Variants in TXK observed in about 807,000 individuals in gnomAD.
The protein encoded by TXK is TXK tyrosine kinase.
In TXK, 60 loss-of-function variants were observed where a neutral mutation model predicts 81.0. The observed-to-expected ratio is 0.74, with a 90% CI of 0.60 to 0.92. The LOEUF is 0.92. TXK is among the 40% of genes least tolerant of loss of function. TXK has a pLI of 0.00. For synonymous variants in TXK, 203 were observed against 210.7 expected (o/e 0.96, Z 0.32); for missense variants, 581 against 638.3 (o/e 0.91, Z 0.97).
chr4:48,109,294 TA>T (rs1436547519), intron 5 of TXK: 1 of 152,130 alleles, frequency 6.6e-6, no homozygotes, highest in Non-Finnish European at 1.5e-5. Context: ...CCCAAAGTGC[TA>T]CGGTTACAGG....
intron 14 of TXK, among the ~76,000 whole-genome samples, chr4:48,068,923 G>A (rs536654968): frequency 5.0e-4 from 76 of 152,332 alleles, no homozygotes; most frequent in African/African-American, 1.7e-3. Context: ...GCTCTGTGAG[G>A]AGCCTGTTTC....
chr4:48,082,861 T>C (rs1033822903), intron 10 of TXK, among the ~76,000 whole-genome samples: 1 of 152,134 alleles, frequency 6.6e-6, no homozygotes, highest in African/African-American at 2.4e-5. Flanking sequence ...GAATCGGCTG[T>C]TGGATGGCCA....
At position 48,071,643 on chromosome 4, in the gene TXK, T is replaced by C; in HGVS notation, c.1389A>G (p.Gly463=). Reference sequence around the variant, plus strand: ...TTGACTTATTTTCAAAAGGCATTTTTCCTTCTGTAAAAACTTCCCACATTA... The same window carrying C: ...TTGACTTATTTTCAAAAGGCATTTTCCCTTCTGTAAAAACTTCCCACATTA... ...GVLMWEVFTE[G]KMPFENKSNL... is the part of the protein sequence containing the mutation. The change falls in exon 14 of 15, where the codon GGA becomes GGG. Residue 463 remains glycine, a synonymous_variant. Coordinates refer to ENST00000264316, the MANE Select transcript of TXK (RefSeq NM_003328.3). 6.2e-7 allele frequency: 1 copy of C among 1,614,196 alleles called. No homozygotes were observed. The highest frequency in any genetic ancestry group is 8.5e-7 in the Non-Finnish European group (1 of 1,180,026).
chr4:48,099,270 TA>T (rs1381261301), intron 6 of TXK, among the ~76,000 whole-genome samples: 2 of 152,074 alleles, frequency 1.3e-5, no homozygotes, highest in Non-Finnish European at 2.9e-5. Context: ...AAAGATGAAA[TA>T]CTTTAAGATA....
At chr4:48,099,094 A>T (rs1416028331) in intron 6 of TXK, among the ~76,000 whole-genome samples, 2 of 152,250 alleles carry the variant, frequency 1.3e-5, no homozygotes, top group African/African-American at 4.8e-5. Context: ...AGCTGAAATC[A>T]TCACTGTTGG....
chr4:48,098,164 A>C (rs1226327551), intron 6 of TXK, among the ~76,000 whole-genome samples: 1 of 152,134 alleles, frequency 6.6e-6, no homozygotes, highest in Non-Finnish European at 1.5e-5. Flanking sequence ...AAGAAGAAAA[A>C]CTTTTCAGTT....
intron 10 of TXK, among the ~76,000 whole-genome samples, chr4:48,080,948 T>C (rs1292897307): frequency 6.6e-6 from 1 of 152,078 alleles, no homozygotes; most frequent in Non-Finnish European, 1.5e-5. Flanking sequence ...TTCATAAAGG[T>C]AAAATAAAAT....
chr4:48,081,723 C>T (rs1389318298), intron 10 of TXK, among the ~76,000 whole-genome samples: 1 of 152,030 alleles, frequency 6.6e-6, no homozygotes, highest in Non-Finnish European at 1.5e-5. Context: ...TTTCCTGAAC[C>T]CCAGACTCAT....
chr4:48,077,030 A>T (rs1717097815), intron 11 of TXK, among the ~76,000 whole-genome samples: 1 of 152,236 alleles, frequency 6.6e-6, no homozygotes, highest in African/African-American at 2.4e-5. Context: ...CCCAAAATAC[A>T]TAACAGATAA....
chr4:48,128,350 A>C (rs1719148374), intron 1 of TXK, among the ~76,000 whole-genome samples: 1 of 152,122 alleles, frequency 6.6e-6, no homozygotes, highest in Non-Finnish European at 1.5e-5. Context: ...TTTTAAGATG[A>C]GGAATGTCTG....
chr4:48,095,013 G>A lies in TXK; in HGVS notation c.581+130C>T, dbSNP rs778448682. 67 of 724,746 alleles carry A rather than the reference G, an allele frequency of 9.2e-5. No homozygotes were observed. In the Middle Eastern group the frequency reaches 2.8e-3, roughly 30 times the overall value. 44.9% of individuals were successfully genotyped at this position (724,746 alleles called of 1,614,324 possible). A position where few individuals can be genotyped will look rare whatever the true frequency, so the allele number is the denominator to read the frequency against. ...ACAGAGCATGCTAGGGATATATCAC[G>A]GACTGGTTGGTTTTTCTAACTTCCA... On this transcript the variant is annotated intron_variant, in intron 7 of 14. Coordinates refer to ENST00000264316, the MANE Select transcript of TXK (RefSeq NM_003328.3).
Position 48,094,120 on chromosome 4 carries a change from T to C in TXK, c.666A>G (p.Gln222=). The change falls in exon 8 of 15, where the codon CAA becomes CAG. Residue 222 remains glutamine, a synonymous_variant. Transcript: ENST00000264316. ...GATACCAGATTAACTCAGGGATTGA[T>C]TGAAAGGCGTGTCTTTCAGCCACAT... ...QWYVAERHAF[Q]SIPELIWYHQ... The C allele has an allele frequency of 6.2e-7, 1 of 1,613,850 alleles. No homozygotes were observed. Among genetic ancestry groups the C allele is most frequent in the Non-Finnish European group, 8.5e-7 (1 of 1,180,038 alleles).
intron 1 of TXK, among the ~76,000 whole-genome samples, chr4:48,124,287 C>T (rs970551463): frequency 6.6e-6 from 1 of 152,096 alleles, no homozygotes; most frequent in Admixed American, 6.5e-5. Context: ...ACACCCACAC[C>T]ACCACCACCT....
intron 6 of TXK, among the ~76,000 whole-genome samples, chr4:48,102,556 C>G (rs183385601): frequency 6.6e-6 from 1 of 152,292 alleles, no homozygotes; most frequent in African/African-American, 2.4e-5. Flanking sequence ...ATTAGTATAA[C>G]CGTTTTGAAT....
chr4:48,071,555 T>A lies in TXK; in HGVS notation c.1477A>T (p.Met493Leu). The A allele has an allele frequency of 5.0e-6, 8 of 1,614,178 alleles. No individual in the cohort carries two copies. The highest frequency in any genetic ancestry group is 6.8e-6 in the Non-Finnish European group (8 of 1,180,022). ...CTGTACATGACTTCATATATGGACA[T>A]TGGTGCCAGGTGAGGGCGATATAGC... ...FRLYRPHLAPMSIYEVMYSCW... is the reference protein window; with the variant it reads ...FRLYRPHLAPLSIYEVMYSCW... Residue 493 changes from methionine (M) to leucine (L), a missense_variant, in exon 14 of 15, where the codon ATG becomes TTG. Transcript: ENST00000264316.
intron 7 of TXK, 144 bp from the exon 8 acceptor site, chr4:48,094,348 C>A (rs777207875): frequency 8.1e-5 from 70 of 861,924 alleles, no homozygotes; most frequent in Non-Finnish European, 1.1e-4. Flanking sequence ...TCAACAAGTG[C>A]CCCCCCATGC....
At chr4:48,071,303 C>CA (rs1716843134) in intron 14 of TXK, among the ~76,000 whole-genome samples, 2 of 152,174 alleles carry the variant, frequency 1.3e-5, no homozygotes, top group Non-Finnish European at 2.9e-5. Context: ...AGAAAATGCA[C>CA]TGAATTCCTC....
At chr4:48,068,989 A>C (rs1306147727) in intron 14 of TXK, among the ~76,000 whole-genome samples, 2 of 152,230 alleles carry the variant, frequency 1.3e-5, no homozygotes, top group Non-Finnish European at 2.9e-5. Context: ...GTTTGACTCT[A>C]ATGCCCTAAG....
At chr4:48,084,568 A>G (rs940894234) in intron 10 of TXK, among the ~76,000 whole-genome samples, 1 of 152,132 alleles carries the variant, frequency 6.6e-6, no homozygotes, top group African/African-American at 2.4e-5. Flanking sequence ...CAGGAATACA[A>G]TTTTTGTCCT....
Sources: gnomAD v4.1 joint callset for allele counts (sites outside exome capture counted in the v4.1 genomes callset) on GRCh38, gnomAD v4.1.1 for gene constraint, MANE v1.5 for transcripts, NCBI Gene and HGNC (gene_info 2026-07-23, HGNC 2026-07-21) for gene names.